Variants in NEO1 observed in about 807,000 individuals in gnomAD.
NEO1 encodes the protein neogenin.
A neutral mutation model predicts 159.7 loss-of-function variants in NEO1; 63 were observed. The ratio of observed to expected loss-of-function variants is 0.39; its 90% CI spans 0.32 to 0.49. The LOEUF is 0.49. Ranked by LOEUF, NEO1 falls within the 20% of genes least tolerant of loss-of-function variation. The pLI is 0.85. For synonymous variants in NEO1, 633 were observed against 662.0 expected, an observed-to-expected ratio of 0.96 and a Z score of 0.67; for missense variants, 1,615 against 1,831.0, an observed-to-expected ratio of 0.88 and a Z score of 2.15.
At chr15:73,131,419 A>G (rs114355687) in intron 4 of NEO1, among the ~76,000 whole-genome samples, 5,401 of 152,288 alleles carry the variant, frequency 0.035, 158 homozygotes, top group African/African-American at 0.084. Context: ...ATACAAAACT[A>G]AATTAAACAG....
At chr15:73,078,814 T>G (rs2068901883) in intron 1 of NEO1, among the ~76,000 whole-genome samples, 2 of 152,242 alleles carry the variant, frequency 1.3e-5, no homozygotes, top group South Asian at 4.1e-4. Flanking sequence ...TGCTTTAGTT[T>G]TCTCATGTGT....
chr15:73,298,802 G>A (rs968144532), intron 27 of NEO1, among the ~76,000 whole-genome samples, 191 bp downstream of exon 27: 55 of 152,352 alleles, frequency 3.6e-4, no homozygotes, highest in African/African-American at 1.3e-3. Flanking sequence ...CCTTTTCTGG[G>A]AACACTTACA....
At chr15:73,187,571 GA>G (rs1034980380) in intron 7 of NEO1, among the ~76,000 whole-genome samples, 1 of 152,174 alleles carries the variant, frequency 6.6e-6, no homozygotes, top group Non-Finnish European at 1.5e-5. Flanking sequence ...GGCTTTACCT[GA>G]CATTTGGTCT....
intron 7 of NEO1, among the ~76,000 whole-genome samples, chr15:73,216,499 A>C (rs2037894812): frequency 6.6e-6 from 1 of 152,198 alleles, no homozygotes; most frequent in Admixed American, 6.5e-5. Context: ...ATCCCTGAGG[A>C]ATAGCCACAC....
At chr15:73,146,218 T>G (rs2032887876) in intron 5 of NEO1, among the ~76,000 whole-genome samples, 2 of 152,202 alleles carry the variant, frequency 1.3e-5, no homozygotes, top group Non-Finnish European at 2.9e-5. Flanking sequence ...TCTACCCTAC[T>G]AGACTGAGTT....
intron 5 of NEO1, among the ~76,000 whole-genome samples, chr15:73,145,646 G>A (rs1372958313): frequency 2.0e-5 from 3 of 151,970 alleles, no homozygotes; most frequent in Non-Finnish European, 4.4e-5. Flanking sequence ...AAATACTTTG[G>A]GTATATTAAA....
At chr15:73,138,931 C>T (rs1485629993) in intron 5 of NEO1, among the ~76,000 whole-genome samples, 4 of 151,788 alleles carry the variant, frequency 2.6e-5, no homozygotes, top group East Asian at 1.9e-4. Context: ...ATGTGACTTC[C>T]GAGGCTTATA....
intron 5 of NEO1, among the ~76,000 whole-genome samples, chr15:73,141,984 CCAGTCTCAGCT>C (rs1279832170): frequency 6.6e-6 from 1 of 152,206 alleles, no homozygotes; most frequent in Non-Finnish European, 1.5e-5. Context: ...CGCCTGGATT[CCAGTCTCAGCT>C]CTGTCTCTTA....
intron 5 of NEO1, among the ~76,000 whole-genome samples, chr15:73,148,729 G>C (rs1258955851): frequency 1.3e-5 from 2 of 152,086 alleles, no homozygotes; most frequent in East Asian, 3.9e-4. Flanking sequence ...CTGACAAAAA[G>C]CTAAATGAAT....
chr15:73,147,731 C>G (rs1469488411), intron 5 of NEO1, among the ~76,000 whole-genome samples: 1 of 151,908 alleles, frequency 6.6e-6, no homozygotes, highest in Non-Finnish European at 1.5e-5. Flanking sequence ...TTAGCCCACT[C>G]TGGGTCTCTT....
At chr15:73,209,284 T>G (rs528321834) in intron 7 of NEO1, among the ~76,000 whole-genome samples, 69 of 152,320 alleles carry the variant, frequency 4.5e-4, no homozygotes, top group South Asian at 1.0e-3. Flanking sequence ...TGCCATGTAT[T>G]TTTCAGTGGC....
intron 5 of NEO1, 93 bp downstream of exon 5, chr15:73,136,120 G>A (rs1397955372): frequency 1.1e-5 from 12 of 1,107,052 alleles, no homozygotes; most frequent in South Asian, 2.1e-5. Context: ...AGGCAATACA[G>A]CAAAACAATT....
intron 7 of NEO1, among the ~76,000 whole-genome samples, chr15:73,189,057 C>T (rs536399278): frequency 3.0e-4 from 45 of 152,228 alleles, no homozygotes; most frequent in African/African-American, 1.1e-3. Context: ...TGTGATTGCA[C>T]CACTGCACTC....
chr15:73,180,174 G>A (rs947501386), intron 7 of NEO1, among the ~76,000 whole-genome samples: 5 of 152,128 alleles, frequency 3.3e-5, no homozygotes, highest in African/African-American at 1.2e-4. Flanking sequence ...ATACAATCAG[G>A]TATTGGTGTG....
chr15:73,266,561 A>G (rs985962990), intron 16 of NEO1, 150 bp downstream of exon 16: 8 of 507,456 alleles, frequency 1.6e-5, no homozygotes, highest in Non-Finnish European at 2.4e-5. Flanking sequence ...GGCTTTCAGC[A>G]TGGAAAGTTC....
intron 23 of NEO1, among the ~76,000 whole-genome samples, chr15:73,287,782 G>T (rs998443335): frequency 6.6e-6 from 1 of 152,034 alleles, no homozygotes; most frequent in Non-Finnish European, 1.5e-5. Flanking sequence ...TCAGGAAGCT[G>T]AGGCAGGAGA....
chr15:73,057,209 TA>T (rs1276782368), intron 1 of NEO1, among the ~76,000 whole-genome samples: 2 of 152,224 alleles, frequency 1.3e-5, no homozygotes, highest in Non-Finnish European at 2.9e-5. Flanking sequence ...TTGTGAACTC[TA>T]AAAATATACT....
At chr15:73,176,321 T>C in intron 5 of NEO1, 82 bp from the exon 6 acceptor site, 4 of 974,494 alleles carry the variant, frequency 4.1e-6, no homozygotes, top group Middle Eastern at 3.1e-4. Flanking sequence ...CTGTGGATTT[T>C]ATGATTTAAA....
chr15:73,158,268 C>T (rs962626862), intron 5 of NEO1, among the ~76,000 whole-genome samples: 2 of 128,014 alleles, frequency 1.6e-5, no homozygotes, highest in African/African-American at 5.9e-5. Context: ...GCAGATTCAG[C>T]TTGTTAAATT....
Sources: allele counts gnomAD v4.1 joint callset (sites outside exome capture counted in the v4.1 genomes callset), GRCh38; gene constraint gnomAD v4.1.1; transcripts MANE v1.5; gene names NCBI Gene and HGNC (gene_info 2026-07-23, HGNC 2026-07-21).